The following PDE3B variants were observed in gnomAD, a reference collection of about 807,000 sequenced individuals.
The protein encoded by PDE3B is cGMP-inhibited 3',5'-cyclic phosphodiesterase 3B.
In PDE3B, 66 loss-of-function variants were observed where a neutral mutation model predicts 116.8. The observed-to-expected ratio is 0.56, with a 90% CI of 0.46 to 0.69. The LOEUF is 0.69. Among genes scored for constraint, PDE3B ranks in the 30% least tolerant of loss-of-function variants. PDE3B has a pLI of 0.00. For missense variants in PDE3B, 1,384 were observed against 1,368.1 expected, an observed-to-expected ratio of 1.01 and a Z score of -0.18; for synonymous variants, 595 against 533.6, an observed-to-expected ratio of 1.12 and a Z score of -1.59.
chr11:14,656,439 A>AC (rs1300622260), intron 1 of PDE3B, among the ~76,000 whole-genome samples: 4 of 152,174 alleles, frequency 2.6e-5, no homozygotes, highest in Non-Finnish European at 5.9e-5. Flanking sequence ...TTCCATGTTA[A>AC]CCTTTAGTGA....
intron 14 of PDE3B, among the ~76,000 whole-genome samples, chr11:14,864,057 A>C (rs908993445): frequency 1.7e-4 from 26 of 152,198 alleles, no homozygotes; most frequent in Non-Finnish European, 3.5e-4. Context: ...TATTCAGGAG[A>C]CCCATCTCAC....
chr11:14,789,282 G>GCAT (rs747411156), intron 4 of PDE3B, 40 bp downstream of exon 4: 2 of 1,509,938 alleles, frequency 1.3e-6, no homozygotes, highest in African/African-American at 2.8e-5. Flanking sequence ...TGAATCAAAT[G>GCAT]CATCTACTTT....
chr11:14,803,684 T>C (rs1480830621), intron 4 of PDE3B, among the ~76,000 whole-genome samples: 1 of 152,248 alleles, frequency 6.6e-6, no homozygotes, highest in Non-Finnish European at 1.5e-5. Context: ...CATACCCATT[T>C]GTTCATTTTA....
At chr11:14,681,526 C>T (rs568457944) in intron 1 of PDE3B, among the ~76,000 whole-genome samples, 60 of 152,294 alleles carry the variant, frequency 3.9e-4, no homozygotes, top group African/African-American at 1.3e-3. Context: ...AATTAAACCT[C>T]TTTCCTTTAT....
chr11:14,697,385 T>G (rs903472929), intron 1 of PDE3B, among the ~76,000 whole-genome samples: 5 of 152,186 alleles, frequency 3.3e-5, no homozygotes, highest in Non-Finnish European at 7.4e-5. Context: ...CTTCAGACTT[T>G]CAGTGGTCTT....
At chr11:14,674,227 G>T in intron 1 of PDE3B, 1 of 1,227,688 alleles carries the variant, frequency 8.1e-7, no homozygotes, top group Admixed American at 1.7e-5. Flanking sequence ...GTTCTTTTTT[G>T]TTTTCACTTC....
chr11:14,803,837 T>C (rs1858841186), intron 4 of PDE3B, 107 bp from the exon 5 acceptor site: 1 of 684,432 alleles, frequency 1.5e-6, no homozygotes, highest in Non-Finnish European at 2.5e-6. Flanking sequence ...AGGCGCAAAC[T>C]CTGAATTTAT....
At chr11:14,802,332 C>T (rs1393201781) in intron 4 of PDE3B, among the ~76,000 whole-genome samples, 5 of 152,124 alleles carry the variant, frequency 3.3e-5, no homozygotes, top group Non-Finnish European at 5.9e-5. Context: ...CTGGGAAAAG[C>T]GTAGTATCTG....
intron 4 of PDE3B, among the ~76,000 whole-genome samples, chr11:14,795,016 G>A (rs1194435537): frequency 6.6e-6 from 1 of 152,088 alleles, no homozygotes; most frequent in African/African-American, 2.4e-5. Context: ...GCCCCCACGT[G>A]TTTGGCTATT....
intron 1 of PDE3B, among the ~76,000 whole-genome samples, chr11:14,761,728 T>G (rs1230153369): frequency 6.6e-6 from 1 of 152,128 alleles, no homozygotes. Flanking sequence ...CTAGCATCTT[T>G]GTTTGCTTAA....
intron 15 of PDE3B, among the ~76,000 whole-genome samples, chr11:14,868,785 T>C (rs1241490359): frequency 6.6e-6 from 1 of 152,130 alleles, no homozygotes; most frequent in Non-Finnish European, 1.5e-5. Flanking sequence ...TATTTAAAAT[T>C]CTTTTTTTAA....
Position 14,764,865 on chromosome 11 carries a change from C to T in PDE3B, c.979-7072C>T, listed in dbSNP as rs191204630. 4.3e-4 allele frequency among the ~76,000 whole-genome samples: 65 copies of T among 151,746 alleles called. 1 individual carries two copies. Among genetic ancestry groups the T allele is most frequent in the Admixed American group, 3.1e-3 (47 of 15,198 alleles). On this transcript the variant is annotated intron_variant, in intron 1 of 15. Coordinates refer to ENST00000282096, the MANE Select transcript of PDE3B (RefSeq NM_000922.4). ...GTAATACTAGTCTCCTACCCCTCCC[C>T]CTCCCCCCACACTTTTTTTTTCTGC...
chr11:14,898,603 G>A, the PDE3B span, among the ~76,000 whole-genome samples: 3 of 152,196 alleles, frequency 2.0e-5, no homozygotes, highest in African/African-American at 4.8e-5. Flanking sequence ...GGATGTGGAA[G>A]TTGAGGTCCT....
intron 5 of PDE3B, among the ~76,000 whole-genome samples, chr11:14,814,117 A>C (rs1255608860): frequency 6.6e-6 from 1 of 152,190 alleles, no homozygotes; most frequent in Admixed American, 6.5e-5. Context: ...GGACATTTTT[A>C]ATCTGATAAA....
intron 1 of PDE3B, among the ~76,000 whole-genome samples, chr11:14,674,903 G>T: frequency 6.6e-6 from 1 of 152,034 alleles, no homozygotes; most frequent in East Asian, 1.9e-4. Context: ...GTTACTTTAG[G>T]TAAGGCAGGA....
chr11:14,683,613 A>G lies in PDE3B; in HGVS notation c.978+38560A>G, dbSNP rs1459045677. Among the ~76,000 whole-genome samples the G allele has an allele frequency of 2.0e-5, 3 of 151,954 alleles. No individual in the cohort carries two copies. In the East Asian group the frequency reaches 5.8e-4, roughly 29 times the overall value. ...GTTTATAAATTTTTAAATCTTTTCA[A>G]AGAACAAGATTTGGTTTCATTAATT... On this transcript the variant is annotated intron_variant, in intron 1 of 15. Coordinates refer to ENST00000282096, the MANE Select transcript of PDE3B (RefSeq NM_000922.4).
At chr11:14,782,389 A>G (rs1240043362) in intron 2 of PDE3B, among the ~76,000 whole-genome samples, 1 of 150,550 alleles carries the variant, frequency 6.6e-6, no homozygotes, top group African/African-American at 2.4e-5. Flanking sequence ...CCAAAACAGC[A>G]TGGTACTGGT....
chr11:14,895,648 T>C, the PDE3B span, among the ~76,000 whole-genome samples: 1 of 152,218 alleles, frequency 6.6e-6, no homozygotes, highest in Admixed American at 6.5e-5. Flanking sequence ...CAGTAGCACT[T>C]CTGGGTGAGA....
chr11:14,679,164 G>C (rs1854622840), intron 1 of PDE3B, among the ~76,000 whole-genome samples: 1 of 151,926 alleles, frequency 6.6e-6, no homozygotes, highest in African/African-American at 2.4e-5. Flanking sequence ...AAATTGTGTA[G>C]TGTGAATCTT....
Sources: gnomAD v4.1 joint callset for allele counts (sites outside exome capture counted in the v4.1 genomes callset) on GRCh38, gnomAD v4.1.1 for gene constraint, MANE v1.5 for transcripts, NCBI Gene and HGNC (gene_info 2026-07-23, HGNC 2026-07-21) for gene names.